The following ZAN variants were observed in gnomAD, a reference collection of about 807,000 sequenced individuals.
ZAN encodes zonadhesin, also known as zonadhesin (gene/pseudogene).
ZAN carries 260 observed loss-of-function variants against 286.2 expected under a neutral mutation model. That is an observed-to-expected ratio of 0.91 (90% CI 0.82 to 1.01). The LOEUF (loss-of-function observed/expected upper bound fraction) is 1.01. Ranked by LOEUF, ZAN falls within the 50% of genes least tolerant of loss-of-function variation. The pLI, the probability that ZAN is intolerant of heterozygous loss-of-function variation, is 0.00. For synonymous variants in ZAN, 1,368 were observed against 1,417.5 expected (o/e 0.97, Z 0.79); for missense variants, 3,410 against 3,639.2 (o/e 0.94, Z 1.62).
chr7:100,751,072 G>C (rs1457838846), intron 12 of ZAN, 110 bp from the exon 13 acceptor site: 2 of 1,342,724 alleles, frequency 1.5e-6, no homozygotes, highest in Admixed American at 2.7e-5. Flanking sequence ...GTTGAGGCTG[G>C]AACAAGGCGA....
At position 100,742,169 on chromosome 7, in the gene ZAN, C is replaced by T. The variant is rs1434664110; in HGVS notation, c.766+3556C>T. Reference sequence around the variant, plus strand: ...CTCAGACGGGGCGGCCGGGCAGAGACGCTCCTCACCTCCCAGACGGGGTCT... The same window carrying T: ...CTCAGACGGGGCGGCCGGGCAGAGATGCTCCTCACCTCCCAGACGGGGTCT... On this transcript the variant is annotated intron_variant, in intron 7 of 47. Transcript: ENST00000613979. 1.5e-4 allele frequency among the ~76,000 whole-genome samples: 13 copies of T among 88,868 alleles called. 3 individuals are homozygous for T. Among genetic ancestry groups the T allele is most frequent in the Non-Finnish European group, 3.1e-4 (13 of 42,144 alleles). The allele number at this position is 88,868 out of a possible 152,430, so 58.3% of individuals were successfully genotyped here.
intron 14 of ZAN, among the ~76,000 whole-genome samples, chr7:100,754,780 C>T (rs188721411): frequency 4.6e-5 from 7 of 151,794 alleles, no homozygotes; most frequent in Admixed American, 2.6e-4. Flanking sequence ...GCCTCAGCCT[C>T]GGCCTCCCAA....
At position 100,736,867 on chromosome 7, in the gene ZAN, G is replaced by T. The variant is rs1376636139; in HGVS notation, c.312G>T (p.Leu104=). 6.7e-7 allele frequency: 1 copy of T among 1,485,246 alleles called. No homozygotes were observed. The allele number at this position is 1,485,246 out of a possible 1,614,324, so 92.0% of individuals were successfully genotyped here. The change falls in exon 5 of 48, where the codon CTG becomes CTT. Residue 104 remains leucine (L), a synonymous_variant. Coordinates refer to ENST00000613979, the MANE Select transcript of ZAN (RefSeq NM_003386.3). Reference sequence around the variant, plus strand: ...TCCACCGTGGGGGAGTGGCCCGCCTGCTCAGCCCCGACCTATGGGAGCAAG... The same window carrying T: ...TCCACCGTGGGGGAGTGGCCCGCCTTCTCAGCCCCGACCTATGGGAGCAAG... The part of the protein sequence containing the change: ...NSFHRGGVAR[L]LSPDLWEQGP...
At chr7:100,774,003 G>T (rs1810585312) in intron 31 of ZAN, 138 bp downstream of exon 31, 1 of 1,305,374 alleles carries the variant, frequency 7.7e-7, no homozygotes, top group Admixed American at 2.7e-5. Context: ...AGCTTCTGGT[G>T]GGTAAGATGA....
At chr7:100,772,663 T>G (rs999117027) in intron 29 of ZAN, among the ~76,000 whole-genome samples, 1 of 151,100 alleles carries the variant, frequency 6.6e-6, no homozygotes, top group Non-Finnish European at 1.5e-5. Context: ...CTACCAAAAA[T>G]ACAAAAAATT....
Position 100,736,882 on chromosome 7 carries a change from A to G in ZAN, c.327A>G (p.Leu109=), listed in dbSNP as rs757805057. The change falls in exon 5 of 48, where the codon CTA becomes CTG. Residue 109 remains leucine (L), a synonymous_variant. Transcript: ENST00000613979. ...GGVARLLSPD[L]WEQGPLCVHF... ...TGGCCCGCCTGCTCAGCCCCGACCT[A>G]TGGGAGCAAGGCCCCCTCTGTGTGC... 1.6e-5 allele frequency: 24 copies of G among 1,487,450 alleles called. 4 individuals carry two copies. The Middle Eastern group carries it at 6.8e-4, about 42-fold the overall frequency. 92.1% of individuals were successfully genotyped at this position (1,487,450 alleles called of 1,614,324 possible).
rs780741559 is a variant in ZAN at position 100,793,877 on chromosome 7, C to A, written c.7845C>A (p.Ile2615=). The part of the protein sequence containing the change: ...ISELYDTLPS[I]LCQPGRPRGL... ...AGCTGTATGACACCCTGCCCAGCAT[C>A]CTGTGCCAACCTGGCAGACCCCGGG... Residue 2615 remains isoleucine, a synonymous_variant, in exon 43 of 48, where the codon ATC becomes ATA. Coordinates refer to ENST00000613979, the MANE Select transcript of ZAN (RefSeq NM_003386.3). 2.2e-5 allele frequency: 36 copies of A among 1,613,730 alleles called. No homozygotes were observed. Among genetic ancestry groups the A allele is most frequent in the Non-Finnish European group, 3.0e-5 (35 of 1,179,808 alleles).
At position 100,753,502 on chromosome 7, in the gene ZAN, T is replaced by A. The variant is rs565465620; in HGVS notation, c.3124+273T>A. Among the ~76,000 whole-genome samples the A allele has an allele frequency of 3.3e-5, 5 of 152,182 alleles. No individual in the cohort carries two copies. In the South Asian group the frequency reaches 8.3e-4, roughly 25 times the overall value. ...TTGTTTGTTATTGAGATATAATCCA[T>A]ATTTCATAAAATTCACCCTTTTAAA... On this transcript the variant is annotated intron_variant, in intron 14 of 47. Coordinates refer to ENST00000613979, the MANE Select transcript of ZAN (RefSeq NM_003386.3).
rs751004444 is a variant in ZAN at position 100,738,535 on chromosome 7, G to A, written c.688G>A (p.Gly230Arg). 31 of 1,507,528 alleles carry A rather than the reference G, an allele frequency of 2.1e-5. 7 individuals carry two copies. The highest frequency in any genetic ancestry group is 1.7e-4 in the Middle Eastern group (1 of 5,940). 93.4% of individuals were successfully genotyped at this position (1,507,528 alleles called of 1,614,324 possible). Residue 230 changes from glycine to arginine, a missense_variant, in exon 7 of 48, where the codon GGG becomes AGG. Coordinates refer to ENST00000613979, the MANE Select transcript of ZAN (RefSeq NM_003386.3). ...CDWTWIPTAS[G>R]AKWTQKKGSS... The stretch of plus-strand genomic sequence containing the variant: ...CTGGACCTGGATCCCAACTGCCTCC[G>A]GGGCCAAGTGGACTCAGAAGAAAGG...
At chr7:100,743,922 G>T (rs1807995442) in intron 7 of ZAN, among the ~76,000 whole-genome samples, 1 of 151,200 alleles carries the variant, frequency 6.6e-6, no homozygotes, top group Admixed American at 6.6e-5. Context: ...TTGCTACATT[G>T]CCCAGGCTGG....
intron 16 of ZAN, 68 bp from the exon 17 acceptor site, chr7:100,758,463 C>T: frequency 6.4e-7 from 1 of 1,551,928 alleles, no homozygotes; most frequent in Non-Finnish European, 8.7e-7. Context: ...AGCGGGTGGG[C>T]CAGCATGTGC....
intron 38 of ZAN, 83 bp downstream of exon 38, chr7:100,788,219 G>A: frequency 1.4e-6 from 2 of 1,412,938 alleles, no homozygotes; most frequent in Non-Finnish European, 1.9e-6. Flanking sequence ...AGGGATCCCT[G>A]TTCCCTGGGA....
At position 100,763,115 on chromosome 7, in the gene ZAN, C is replaced by T. The variant is rs1181305798; in HGVS notation, c.3987-691C>T. Among the ~76,000 whole-genome samples the T allele has an allele frequency of 1.3e-5, 2 of 151,696 alleles. No homozygotes were observed. Among genetic ancestry groups the T allele is most frequent in the Non-Finnish European group, 1.5e-5 (1 of 67,926 alleles). ...ATCCCAATGAGATTATAGGCACATG[C>T]CACCACACCTGTCTGATTTTTGTAT... On this transcript the variant is annotated intron_variant, in intron 20 of 47. Coordinates refer to ENST00000613979, the MANE Select transcript of ZAN (RefSeq NM_003386.3). This position sits in a 1 kb window ranked among gnomAD's most constrained non-coding sequence, Gnocchi z 4.6.
chr7:100,764,012 G>C lies in ZAN; in HGVS notation c.4098-15G>C. 2.5e-6 allele frequency: 4 copies of C among 1,613,790 alleles called. No individual in the cohort carries two copies. Among genetic ancestry groups the C allele is most frequent in the Non-Finnish European group, 3.4e-6 (4 of 1,179,812 alleles). ...CCTTCCACTGCATTCCCCCTGACTTGGTCACTCCCCTCAGGACATGCCTGC... is the reference window on the plus strand; with the variant it reads ...CCTTCCACTGCATTCCCCCTGACTTCGTCACTCCCCTCAGGACATGCCTGC... On this transcript the variant is annotated splice_polypyrimidine_tract_variant and intron_variant, in intron 21 of 47. Transcript: ENST00000613979.
chr7:100,784,536 T>C, intron 35 of ZAN, 87 bp from the exon 36 acceptor site: 3 of 1,346,692 alleles, frequency 2.2e-6, no homozygotes, highest in Non-Finnish European at 2.1e-6. Context: ...TTGTTGGTCA[T>C]CCACCCATAG....
chr7:100,739,436 A>G (rs189567956), intron 7 of ZAN, among the ~76,000 whole-genome samples: 2 of 138,620 alleles, frequency 1.4e-5, no homozygotes, highest in African/African-American at 5.2e-5. Context: ...GCGGGGGGGC[A>G]GTTACCGACA....
In ZAN at chr7:100,773,372, G is replaced by T. The variant is rs1284215152; in HGVS notation, c.5513G>T (p.Cys1838Phe). The T allele has an allele frequency of 1.2e-6, 2 of 1,613,990 alleles. No homozygotes were observed. The highest frequency in any genetic ancestry group is 2.2e-5 in the South Asian group (2 of 91,090). ...AGCAGCATAAACAACCCGAGGGACTGCCCCAAAGCACTGCCCTGTGCTGAG... is the reference window on the plus strand; with the variant it reads ...AGCAGCATAAACAACCCGAGGGACTTCCCCAAAGCACTGCCCTGTGCTGAG... ...TCSSINNPRDCPKALPCAESC... is the reference protein window; with the variant it reads ...TCSSINNPRDFPKALPCAESC... Residue 1838 changes from cysteine (C) to phenylalanine (F), a missense_variant, in exon 30 of 48, where the codon TGC becomes TTC. Cys to Phe is a radical substitution (Grantham distance 205, BLOSUM62 -2). Coordinates refer to ENST00000613979, the MANE Select transcript of ZAN (RefSeq NM_003386.3).
intron 28 of ZAN, among the ~76,000 whole-genome samples, chr7:100,771,425 G>GGTTTTTTTTTT (rs1206680488): frequency 2.0e-5 from 3 of 151,004 alleles, no homozygotes; most frequent in Non-Finnish European, 4.4e-5. Context: ...AAATCCAGGA[G>GGTTTTTTTTTT]GTTTTTTTTT....
In ZAN at chr7:100,747,656, G is replaced by A. The variant is rs772328216; in HGVS notation, c.1023+15G>A. ...GACGGATACAGGTACAGAGAAGCAA[G>A]GGGTCAGGTCCTTGCACATGGTAGG... is the stretch of plus-strand genomic sequence containing the variant. On this transcript the variant is annotated intron_variant, in intron 9 of 47. Transcript: ENST00000613979. 1.2e-6 allele frequency: 2 copies of A among 1,611,518 alleles called. No individual in the cohort carries two copies. Among genetic ancestry groups the A allele is most frequent in the Non-Finnish European group, 1.7e-6 (2 of 1,177,950 alleles).
Sources: allele counts gnomAD v4.1 joint callset (sites outside exome capture counted in the v4.1 genomes callset), GRCh38; gene constraint gnomAD v4.1.1; non-coding constraint Gnocchi (gnomAD v3.1); transcripts MANE v1.5; gene names NCBI Gene and HGNC (gene_info 2026-07-23, HGNC 2026-07-21).